Variants in TBC1D8 observed in about 807,000 individuals in gnomAD.
The protein encoded by TBC1D8 is BUB2-like protein 1.
In TBC1D8, 65 loss-of-function variants were observed where a neutral mutation model predicts 118.8. The observed-to-expected ratio is 0.55, with a 90% confidence interval of 0.45 to 0.67. The LOEUF is 0.67. TBC1D8 is among the 30% of genes least tolerant of loss of function. The pLI is 0.00. For missense variants in TBC1D8, 1,376 were observed against 1,471.2 expected (o/e 0.94, Z 1.06); for synonymous variants, 566 against 595.8 (o/e 0.95, Z 0.73).
At chr2:101,151,067 GCC>G in intron 1 of TBC1D8, 58 bp downstream of exon 1, 2 of 977,750 alleles carry the variant, frequency 2.0e-6, no homozygotes, top group Non-Finnish European at 2.4e-6. Flanking sequence ...GGGGCCGCGG[GCC>G]CGGCGGGGTG....
intron 1 of TBC1D8, among the ~76,000 whole-genome samples, chr2:101,135,009 T>C (rs1678783748): frequency 6.6e-6 from 1 of 152,026 alleles, no homozygotes; most frequent in Non-Finnish European, 1.5e-5. Context: ...CCGTCTCTAC[T>C]AAAAATACAA....
chr2:101,037,313 A>G (rs1681072652), intron 8 of TBC1D8, among the ~76,000 whole-genome samples: 1 of 152,226 alleles, frequency 6.6e-6, no homozygotes, highest in South Asian at 2.1e-4. Flanking sequence ...CCCACAGCTG[A>G]GAGCTGCGCG....
Position 101,062,133 on chromosome 2 carries a change from C to G in TBC1D8, c.284-2594G>C, listed in dbSNP as rs761441015. Among the ~76,000 whole-genome samples the G allele has an allele frequency of 5.3e-5, 8 of 152,320 alleles. No individual in the cohort carries two copies. In the Middle Eastern group the frequency reaches 0.01, roughly 194 times the overall value. ...CCCTCGTCTAAATCCAGTGGGTCAG[C>G]AATGGTGTCTCTCTATCACATCACT... On this transcript the variant is annotated intron_variant, in intron 2 of 19. Transcript: ENST00000409318.
At chr2:101,028,204 AG>A (rs1479626255) in intron 13 of TBC1D8, 58 bp from the exon 14 acceptor site, 2 of 1,604,326 alleles carry the variant, frequency 1.2e-6, no homozygotes, top group East Asian at 2.2e-5. Context: ...GTGTGGAAAC[AG>A]GAAGTGGCCC....
chr2:101,053,888 G>T (rs961431354), intron 4 of TBC1D8, among the ~76,000 whole-genome samples: 11 of 152,196 alleles, frequency 7.2e-5, no homozygotes, highest in African/African-American at 2.7e-4. Context: ...TATATAAAGT[G>T]AACTATACAG....
intron 15 of TBC1D8, 56 bp downstream of exon 15, chr2:101,027,327 C>A (rs1680394233): frequency 1.9e-6 from 3 of 1,551,370 alleles, no homozygotes; most frequent in Admixed American, 1.7e-5. Context: ...AGGCTGGGCA[C>A]CGCGGCTCAG....
At chr2:101,067,921 A>C (rs1221472025) in intron 2 of TBC1D8, among the ~76,000 whole-genome samples, 1 of 152,212 alleles carries the variant, frequency 6.6e-6, no homozygotes, top group African/African-American at 2.4e-5. Flanking sequence ...TTGTCATTTC[A>C]ACAATGTGTG....
In TBC1D8 at chr2:101,037,408, G is replaced by A. The variant is rs554068060; in HGVS notation, c.1452+124C>T. On this transcript the variant is annotated intron_variant, in intron 8 of 19. Coordinates refer to ENST00000409318, the MANE Select transcript of TBC1D8 (RefSeq NM_001330348.2). ...CACTTTTCACCCATGAGAACAAGAC[G>A]GAGGAGGAGCGTTAGCTTCCCAAAG... 1.3e-4 allele frequency: 173 copies of A among 1,350,710 alleles called. 1 individual carries two copies. The Middle Eastern group carries it at 2.7e-3, about 21-fold the overall frequency. 83.7% of individuals were successfully genotyped at this position (1,350,710 alleles called of 1,614,324 possible). A position where few individuals can be genotyped will look rare whatever the true frequency, so the allele number is the denominator to read the frequency against.
intron 19 of TBC1D8, 60 bp from the exon 20 acceptor site, chr2:101,008,333 T>G (rs2105354320): frequency 7.4e-7 from 1 of 1,344,478 alleles, no homozygotes; most frequent in Middle Eastern, 1.9e-4. Context: ...CATTTTTTTT[T>G]TTAAACATAC....
At chr2:101,068,171 C>T (rs192000374) in intron 2 of TBC1D8, among the ~76,000 whole-genome samples, 1 of 152,302 alleles carries the variant, frequency 6.6e-6, no homozygotes, top group Admixed American at 6.5e-5. Context: ...AAGTCATCCA[C>T]GAGGATTAGA....
chr2:101,038,345 C>T (rs1392881786), intron 7 of TBC1D8, 116 bp downstream of exon 7: 1 of 1,201,232 alleles, frequency 8.3e-7, no homozygotes, highest in Middle Eastern at 2.2e-4. Flanking sequence ...CAGCAGACCA[C>T]ACACAGGCCC....
intron 17 of TBC1D8, chr2:101,018,360 CT>C (rs1439655447): frequency 1.3e-5 from 2 of 157,266 alleles, no homozygotes; most frequent in Admixed American, 6.2e-5. Flanking sequence ...GTTTTAAGTG[CT>C]TTTTTTTAAA....
At chr2:101,122,071 CTT>C (rs544230458) in intron 1 of TBC1D8, among the ~76,000 whole-genome samples, 26 of 131,056 alleles carry the variant, frequency 2.0e-4, no homozygotes, top group African/African-American at 3.4e-4. Flanking sequence ...ATTTCTTTTT[CTT>C]TTTTTTTTTT....
At chr2:101,118,272 C>T (rs187663472) in intron 1 of TBC1D8, among the ~76,000 whole-genome samples, 1 of 151,940 alleles carries the variant, frequency 6.6e-6, no homozygotes, top group East Asian at 1.9e-4. Context: ...TGCAATTGTA[C>T]GTAGTGCTGG....
chr2:101,017,844 G>T, intron 17 of TBC1D8: 1 of 1,550,586 alleles, frequency 6.4e-7, no homozygotes, highest in Non-Finnish European at 8.7e-7. Context: ...GCAGCTACAT[G>T]CAATTCCCAA....
At chr2:101,037,150 A>G (rs1429157955) in intron 8 of TBC1D8, among the ~76,000 whole-genome samples, 9 of 152,330 alleles carry the variant, frequency 5.9e-5, no homozygotes, top group Non-Finnish European at 1.5e-5. Context: ...GTTTAGTAAA[A>G]CTAGAAGACT....
chr2:101,140,990 G>A (rs950175645), intron 1 of TBC1D8, among the ~76,000 whole-genome samples: 3 of 151,824 alleles, frequency 2.0e-5, no homozygotes, highest in East Asian at 3.9e-4. Flanking sequence ...TCAAACCTCC[G>A]ACCTCAGGTG....
chr2:101,112,624 T>C (rs1677657136), intron 1 of TBC1D8, among the ~76,000 whole-genome samples: 1 of 152,186 alleles, frequency 6.6e-6, no homozygotes, highest in Non-Finnish European at 1.5e-5. Context: ...TCCCTGGACG[T>C]TGAGGTGCCA....
chr2:101,037,782 CT>C, intron 7 of TBC1D8, 74 bp from the exon 8 acceptor site: 2 of 1,586,462 alleles, frequency 1.3e-6, no homozygotes, highest in Non-Finnish European at 1.7e-6. Context: ...AGGGGACAGT[CT>C]TTGTTTTGCC....
Sources: allele counts gnomAD v4.1 joint callset (sites outside exome capture counted in the v4.1 genomes callset), GRCh38; gene constraint gnomAD v4.1.1; transcripts MANE v1.5; gene names NCBI Gene and HGNC (gene_info 2026-07-23, HGNC 2026-07-21).